The following HOMER2 variants were observed in gnomAD, a reference collection of about 807,000 sequenced individuals.
HOMER2 encodes the protein homer protein homolog 2.
In HOMER2, 27 loss-of-function variants were observed where a neutral mutation model predicts 47.0. The observed-to-expected ratio is 0.57, with a 90% CI of 0.42 to 0.79. The LOEUF (loss-of-function observed/expected upper bound fraction) is 0.79, where lower values mean the gene tolerates loss of function less well. Ranked by LOEUF, HOMER2 falls within the 30% of genes least tolerant of loss-of-function variation. The probability of loss-of-function intolerance (pLI) is 0.00; values close to 1 mark genes in which losing one functional copy is unlikely to be tolerated. For missense variants in HOMER2, 443 were observed against 435.0 expected, an observed-to-expected ratio of 1.02 and a Z score of -0.16; for synonymous variants, 161 against 163.8, an observed-to-expected ratio of 0.98 and a Z score of 0.13.
At chr15:82,919,804 A>G (rs960968557) in intron 1 of HOMER2, among the ~76,000 whole-genome samples, 1 of 152,258 alleles carries the variant, frequency 6.6e-6, no homozygotes, top group Non-Finnish European at 1.5e-5. Flanking sequence ...CATTCCTAGT[A>G]TCAAGGTCAG....
intron 1 of HOMER2, among the ~76,000 whole-genome samples, chr15:82,976,285 CTATT>C (rs543419840): frequency 1.5e-4 from 22 of 151,652 alleles, no homozygotes; most frequent in East Asian, 3.9e-4. Context: ...TTATCATGCA[CTATT>C]TATTTATTTA....
intron 3 of HOMER2, 31 bp downstream of exon 3, chr15:82,875,241 GA>G (rs1374898253): frequency 2.5e-6 from 4 of 1,608,874 alleles, no homozygotes; most frequent in Non-Finnish European, 2.5e-6. Flanking sequence ...TCTGATGCGG[GA>G]TTTACTGCAC....
intron 1 of HOMER2, among the ~76,000 whole-genome samples, chr15:82,932,632 G>T (rs1387957923): frequency 6.6e-6 from 1 of 152,046 alleles, no homozygotes; most frequent in African/African-American, 2.4e-5. Flanking sequence ...AGCTGATGGT[G>T]CACTCCCTAA....
At position 82,952,615 on chromosome 15, in the gene HOMER2, G is replaced by C. The variant is rs1009526924; in HGVS notation, c.-80C>G. On this transcript the variant is annotated 5_prime_UTR_variant, in exon 1 of 9. Transcript: ENST00000450735. The stretch of plus-strand genomic sequence containing the variant: ...CCCGCTCGGCAGCCGCTCCCCGCGC[G>C]GCACATGCGGCGGCCCGTGCGCGCC... 6.5e-6 allele frequency: 7 copies of C among 1,073,254 alleles called. No individual in the cohort carries two copies. The highest frequency in any genetic ancestry group is 4.2e-4 in the Middle Eastern group (1 of 2,392). 66.5% of individuals were successfully genotyped at this position (1,073,254 alleles called of 1,614,324 possible).
At chr15:82,944,908 T>C (rs1036229488) in intron 1 of HOMER2, among the ~76,000 whole-genome samples, 4 of 152,180 alleles carry the variant, frequency 2.6e-5, no homozygotes, top group African/African-American at 9.6e-5. Context: ...CTTCGAGGTA[T>C]GGGCATGGGT....
chr15:82,946,788 C>T (rs907097426), intron 1 of HOMER2, among the ~76,000 whole-genome samples: 1 of 152,176 alleles, frequency 6.6e-6, no homozygotes, highest in Non-Finnish European at 1.5e-5. Flanking sequence ...TTAGTGCCTA[C>T]TCCATTCCAA....
At chr15:82,904,131 G>T (rs898437935) in intron 1 of HOMER2, among the ~76,000 whole-genome samples, 2 of 152,082 alleles carry the variant, frequency 1.3e-5, no homozygotes, top group African/African-American at 4.8e-5. Context: ...AGTGAGACTG[G>T]CTCAAAACAA....
intron 1 of HOMER2, chr15:82,898,582 G>A (rs2053012938): frequency 6.6e-6 from 1 of 152,124 alleles, no homozygotes; most frequent in Non-Finnish European, 1.5e-5. Flanking sequence ...AACACCAATT[G>A]CTGTTCATTG....
At chr15:82,858,732 CACT>C (rs1203453390) in intron 5 of HOMER2, among the ~76,000 whole-genome samples, 1 of 152,050 alleles carries the variant, frequency 6.6e-6, no homozygotes, top group African/African-American at 2.4e-5. Context: ...CACACTCTGA[CACT>C]ACCACACTCA....
chr15:82,876,216 A>G (rs1567028543), intron 2 of HOMER2, among the ~76,000 whole-genome samples: 1 of 152,224 alleles, frequency 6.6e-6, no homozygotes, highest in Non-Finnish European at 1.5e-5. Context: ...AGGGCTTGGG[A>G]GCCCACTGAT....
At chr15:82,971,230 G>A (rs1461297926) in intron 1 of HOMER2, among the ~76,000 whole-genome samples, 4 of 152,174 alleles carry the variant, frequency 2.6e-5, no homozygotes, top group Non-Finnish European at 5.9e-5. Flanking sequence ...CATAGGTGCA[G>A]GTAAGTAAAA....
At position 82,864,396 on chromosome 15, in the gene HOMER2, A is replaced by T. The variant is rs375839567; in HGVS notation, c.295-137T>A. On this transcript the variant is annotated intron_variant, in intron 3 of 8. Coordinates refer to ENST00000450735, the MANE Select transcript of HOMER2 (RefSeq NM_004839.4). ...ATCCAGAAGAATTTTATTTGCTATT[A>T]AATGAATATAAGGATGTATATTCCA... 2.7e-4 allele frequency: 156 copies of T among 579,048 alleles called. No homozygotes were observed. The African/African-American group carries it at 2.8e-3, about 10-fold the overall frequency. 35.9% of individuals were successfully genotyped at this position (579,048 alleles called of 1,614,324 possible).
Position 82,875,401 on chromosome 15 carries a change from T to C in HOMER2, c.166A>G (p.Ile56Val), listed in dbSNP as rs1021708568. The C allele has an allele frequency of 1.2e-6, 2 of 1,613,712 alleles. No homozygotes were observed. Among genetic ancestry groups the C allele is most frequent in the Non-Finnish European group, 1.7e-6 (2 of 1,179,834 alleles). Residue 56 changes from isoleucine (I) to valine (V), a missense_variant, in exon 3 of 9, where the codon ATC (isoleucine) becomes GTC (valine). Coordinates refer to ENST00000450735, the MANE Select transcript of HOMER2 (RefSeq NM_004839.4). ...TTCGGTGTGATTGTGCTGTTTATGA[T>C]CACCTGCAGAAAAACAGCCCAAAGA... ...RIISVDGAKV[I>V]INSTITPNMT... is the part of the protein sequence containing the mutation.
rs368119669 is a variant in HOMER2 at position 82,875,259 on chromosome 15, T to C, written c.294+14A>G. On this transcript the variant is annotated intron_variant, in intron 3 of 8. Transcript: ENST00000450735. ...GATGCGGGATTTACTGCACTGTGGA[T>C]AGGACCAAGTTACCTTTGTCAGCTG... The C allele has an allele frequency of 9.3e-5, 150 of 1,612,566 alleles. No individual in the cohort carries two copies. Among genetic ancestry groups the C allele is most frequent in the Non-Finnish European group, 1.2e-4 (140 of 1,179,680 alleles).
At chr15:82,865,987 C>T (rs948900271) in intron 3 of HOMER2, among the ~76,000 whole-genome samples, 2 of 152,186 alleles carry the variant, frequency 1.3e-5, no homozygotes, top group African/African-American at 4.8e-5. Flanking sequence ...CCCACAGAGT[C>T]CCTACTGGGG....
At chr15:82,969,808 T>G (rs1035078120) in intron 1 of HOMER2, among the ~76,000 whole-genome samples, 1 of 152,148 alleles carries the variant, frequency 6.6e-6, no homozygotes, top group African/African-American at 2.4e-5. Flanking sequence ...GTTAACACTT[T>G]AGAAATTCCA....
intron 1 of HOMER2, among the ~76,000 whole-genome samples, chr15:82,972,664 G>T (rs144562807): frequency 4.9e-4 from 74 of 152,128 alleles, no homozygotes; most frequent in African/African-American, 1.5e-3. Flanking sequence ...CCTAGGCAAC[G>T]AGAGCAAAAC....
chr15:82,840,432 T>C (rs1440611351), exon 2 of HOMER2: 3 of 152,070 alleles, frequency 2.0e-5, no homozygotes, highest in Admixed American at 6.5e-5. Context: ...AATCTGAAAA[T>C]AGAACAGAAT....
chr15:82,904,706 T>C (rs943686671), intron 1 of HOMER2, among the ~76,000 whole-genome samples: 1 of 152,056 alleles, frequency 6.6e-6, no homozygotes, highest in Non-Finnish European at 1.5e-5. Context: ...TTGAGAAGCA[T>C]TGGTAAACTT....
Sources: gnomAD v4.1 joint callset for allele counts (sites outside exome capture counted in the v4.1 genomes callset) on GRCh38, gnomAD v4.1.1 for gene constraint, MANE v1.5 for transcripts, NCBI Gene and HGNC (gene_info 2026-07-23, HGNC 2026-07-21) for gene names.